The following SETBP1 variants were observed in gnomAD, a reference collection of about 807,000 sequenced individuals.
SETBP1 encodes the protein SET-binding protein.
Under a neutral mutation model 101.0 loss-of-function variants are expected in SETBP1, and 9 were observed. The observed-to-expected ratio is 0.09, with a 90% CI of 0.05 to 0.16. SETBP1 has a LOEUF of 0.16. Among genes scored for constraint, SETBP1 ranks in the 10% least tolerant of loss-of-function variants. The pLI, the probability that SETBP1 is intolerant of heterozygous loss-of-function variation, is 1.00. For missense variants in SETBP1, 1,858 were observed against 2,033.8 expected (o/e 0.91, Z 1.66); for synonymous variants, 818 against 788.5 (o/e 1.04, Z -0.63).
intron 3 of SETBP1, among the ~76,000 whole-genome samples, chr18:44,875,060 A>G (rs576772683): frequency 6.6e-6 from 1 of 152,256 alleles, no homozygotes; most frequent in South Asian, 2.1e-4. Flanking sequence ...CAACTGGGGG[A>G]GTGAGAGTCT....
intron 2 of SETBP1, among the ~76,000 whole-genome samples, chr18:44,761,957 G>A (rs2070660222): frequency 6.6e-6 from 1 of 152,106 alleles, no homozygotes; most frequent in Non-Finnish European, 1.5e-5. Context: ...TGTGACTCGT[G>A]GTAGGTCTTT....
In SETBP1 at chr18:45,003,580, C is replaced by T. The variant is rs1190890077; in HGVS notation, c.4001-34905C>T. ...TTCCCACTGTAAACATGTGAACGAG[C>T]GAGTAGCCTGCCCATATCTCCATAG... On this transcript the variant is annotated intron_variant, in intron 4 of 5. Coordinates refer to ENST00000649279, the MANE Select transcript of SETBP1 (RefSeq NM_015559.3). Among the ~76,000 whole-genome samples, 10 of 151,690 alleles carry T rather than the reference C, an allele frequency of 6.6e-5. No individual in the cohort carries two copies. In the East Asian group the frequency reaches 1.8e-3, roughly 27 times the overall value.
chr18:44,850,006 T>C (rs919829573), intron 2 of SETBP1, among the ~76,000 whole-genome samples: 2 of 152,220 alleles, frequency 1.3e-5, no homozygotes, highest in African/African-American at 4.8e-5. Context: ...TAGTATATGC[T>C]TCTATTGCAA....
At chr18:44,930,534 T>G (rs1032833521) in intron 3 of SETBP1, among the ~76,000 whole-genome samples, 2 of 152,238 alleles carry the variant, frequency 1.3e-5, no homozygotes, top group Admixed American at 1.3e-4. Flanking sequence ...TTTGTACCTC[T>G]GGTAGAATTC....
intron 2 of SETBP1, among the ~76,000 whole-genome samples, chr18:44,777,683 A>G (rs1466106049): frequency 1.3e-5 from 2 of 152,190 alleles, no homozygotes; most frequent in Admixed American, 1.3e-4. Flanking sequence ...GAAAGCAGGG[A>G]TGCATGTTGC....
chr18:44,704,776 T>C (rs561343340), intron 2 of SETBP1, among the ~76,000 whole-genome samples: 1 of 152,362 alleles, frequency 6.6e-6, no homozygotes, highest in Admixed American at 6.5e-5. Flanking sequence ...ATGAGAAATA[T>C]GTGATCAGTA....
chr18:44,835,232 C>T (rs1046191594), intron 2 of SETBP1, among the ~76,000 whole-genome samples: 9 of 152,120 alleles, frequency 5.9e-5, no homozygotes, highest in Non-Finnish European at 1.0e-4. Flanking sequence ...GGGCCACTCC[C>T]CTCCAAGGGA....
At chr18:44,697,246 CA>C in intron 1 of SETBP1, 1 of 152,364 alleles carries the variant, frequency 6.6e-6, no homozygotes, top group Non-Finnish European at 1.5e-5. Context: ...CCAGACTCAC[CA>C]AAAAATTGAG....
At chr18:45,020,063 G>A (rs1031147550) in intron 4 of SETBP1, among the ~76,000 whole-genome samples, 2 of 151,766 alleles carry the variant, frequency 1.3e-5, no homozygotes, top group African/African-American at 4.8e-5. Flanking sequence ...CAGGGTTGTG[G>A]CAGGTTGAGA....
intron 5 of SETBP1, among the ~76,000 whole-genome samples, chr18:45,062,226 G>A (rs1258688949): frequency 2.0e-5 from 3 of 152,176 alleles, no homozygotes; most frequent in South Asian, 2.1e-4. Flanking sequence ...CAAGAAGTTC[G>A]GCTCATAAAA....
chr18:44,952,257 A>T lies in SETBP1; in HGVS notation c.2917A>T (p.Ser973Cys), dbSNP rs2071375286. The T allele has an allele frequency of 1.2e-6, 2 of 1,614,164 alleles. No homozygotes were observed. The highest frequency in any genetic ancestry group is 2.2e-5 in the South Asian group (2 of 91,076). ...KFQVFRISHR[S>C]YTFYHENPYP... ...CCAAGTGTTCAGAATCTCCCACCGG[A>T]GTTACACCTTCTACCACGAGAATCC... Residue 973 changes from serine (S) to cysteine (C), a missense_variant, in exon 4 of 6, where the codon AGT becomes TGT. Ser to Cys is a moderately radical substitution (Grantham distance 112). Around this residue, in one of 12 missense-constraint regions of SETBP1, gnomAD observed 255 missense variants for 300.1 expected, o/e 0.85. Transcript: ENST00000649279.
intron 1 of SETBP1, among the ~76,000 whole-genome samples, chr18:44,697,939 G>C (rs74481901): frequency 0.012 from 1,810 of 152,318 alleles, 33 homozygotes; most frequent in African/African-American, 0.041. Context: ...GCAAGGATGA[G>C]AGGAAGTGGA....
chr18:44,880,853 T>G (rs1046249926), intron 3 of SETBP1, among the ~76,000 whole-genome samples: 3 of 152,108 alleles, frequency 2.0e-5, no homozygotes, highest in African/African-American at 7.2e-5. Flanking sequence ...AGGCTCCACC[T>G]CCAAGTTTGA....
intron 4 of SETBP1, among the ~76,000 whole-genome samples, chr18:44,994,874 G>A (rs1269303882): frequency 6.6e-6 from 1 of 152,156 alleles, no homozygotes; most frequent in Non-Finnish European, 1.5e-5. Flanking sequence ...GTTGGGCAGG[G>A]TTGCCATGTA....
Position 44,952,823 on chromosome 18 carries a change from C to G in SETBP1, c.3483C>G (p.Asp1161Glu). The change falls in exon 4 of 6, where the codon GAC (aspartate) becomes GAG (glutamate). Residue 1161 changes from aspartate to glutamate, a missense_variant. By Grantham distance (45) the Asp-to-Glu change is conservative (BLOSUM62 2). Transcript: ENST00000649279. ...AACACAAGCATAAGCACAAGGAAGA[C>G]CGGATCCTAGGGACCCATGACAACC... Reference protein sequence around the residue: ...KHKHKHKHKEDRILGTHDNLS... With the variant: ...KHKHKHKHKEERILGTHDNLS... The G allele has an allele frequency of 6.2e-7, 1 of 1,614,090 alleles. No homozygotes were observed. Among genetic ancestry groups the G allele is most frequent in the East Asian group, 2.2e-5 (1 of 44,848 alleles).
At chr18:44,770,485 A>G (rs2070849112) in intron 2 of SETBP1, among the ~76,000 whole-genome samples, 1 of 152,178 alleles carries the variant, frequency 6.6e-6, no homozygotes, top group Admixed American at 6.5e-5. Flanking sequence ...CTTTTAGTCT[A>G]GAATTTTGGT....
At chr18:44,709,409 C>G (rs1277153427) in intron 2 of SETBP1, among the ~76,000 whole-genome samples, 1 of 152,222 alleles carries the variant, frequency 6.6e-6, no homozygotes, top group Non-Finnish European at 1.5e-5. Flanking sequence ...CTCAGATACC[C>G]TGATTCCAGG....
At chr18:44,921,222 GT>G (rs1459131116) in intron 3 of SETBP1, among the ~76,000 whole-genome samples, 2 of 152,240 alleles carry the variant, frequency 1.3e-5, no homozygotes, top group Non-Finnish European at 2.9e-5. Flanking sequence ...TAACTACAGT[GT>G]AATAAATGAT....
chr18:44,682,438 C>A (rs1270556969), intron 1 of SETBP1, among the ~76,000 whole-genome samples: 7 of 152,182 alleles, frequency 4.6e-5, no homozygotes. Context: ...AAGTTTGTAG[C>A]ACTTTAAGAT....
Sources: gnomAD v4.1 joint callset for allele counts (sites outside exome capture counted in the v4.1 genomes callset) on GRCh38, gnomAD v4.1.1 for gene constraint, gnomAD v4.1.1 regional missense constraint, MANE v1.5 for transcripts, NCBI Gene and HGNC (gene_info 2026-07-23, HGNC 2026-07-21) for gene names.